Variants in SNTG1 observed in about 807,000 individuals in gnomAD.
SNTG1 encodes the protein syntrophin gamma 1.
A neutral mutation model predicts 74.7 loss-of-function variants in SNTG1; 39 were observed. The ratio of observed to expected loss-of-function variants is 0.52; its 90% confidence interval spans 0.40 to 0.68. SNTG1 has a LOEUF of 0.68. SNTG1 is among the 30% of genes least tolerant of loss of function. SNTG1 has a pLI of 0.00. For synonymous variants in SNTG1, 254 were observed against 217.1 expected, an observed-to-expected ratio of 1.17 and a Z score of -1.49; for missense variants, 685 against 609.5, an observed-to-expected ratio of 1.12 and a Z score of -1.30.
intron 9 of SNTG1, among the ~76,000 whole-genome samples, chr8:50,520,595 T>C (rs962842719): frequency 1.1e-4 from 16 of 151,896 alleles, no homozygotes; most frequent in Admixed American, 3.9e-4. Context: ...AATAATCCCA[T>C]CAAAAAGTGG....
intron 15 of SNTG1, among the ~76,000 whole-genome samples, chr8:50,676,357 T>C (rs2095309683): frequency 6.6e-6 from 1 of 151,986 alleles, no homozygotes; most frequent in Admixed American, 6.6e-5. Context: ...TCTGTATGGC[T>C]TATTTCAGCA....
intron 15 of SNTG1, among the ~76,000 whole-genome samples, chr8:50,676,384 A>G (rs1006589097): frequency 2.0e-5 from 3 of 151,900 alleles, no homozygotes; most frequent in African/African-American, 7.2e-5. Context: ...TCTCCAAACA[A>G]TGATATCCTT....
intron 9 of SNTG1, among the ~76,000 whole-genome samples, chr8:50,527,856 T>C (rs2094234816): frequency 6.6e-6 from 1 of 152,038 alleles, no homozygotes; most frequent in Admixed American, 6.5e-5. Context: ...AATATATTAG[T>C]CTTTTTAATT....
At chr8:50,293,986 T>A (rs1009482032) in intron 2 of SNTG1, among the ~76,000 whole-genome samples, 1 of 152,184 alleles carries the variant, frequency 6.6e-6, no homozygotes, top group Non-Finnish European at 1.5e-5. Flanking sequence ...GAACGTCTTA[T>A]CAAGAAAAAA....
chr8:50,005,024 TTTG>T (rs1433708531), intron 1 of SNTG1, among the ~76,000 whole-genome samples: 2 of 152,190 alleles, frequency 1.3e-5, no homozygotes, highest in African/African-American at 2.4e-5. Flanking sequence ...ACATTTTATT[TTTG>T]TTGTTTCTAT....
In SNTG1 at chr8:50,422,095, A is replaced by G. The variant is rs142285318; in HGVS notation, c.163-16448A>G. Among the ~76,000 whole-genome samples the G allele has an allele frequency of 9.8e-5, 15 of 152,292 alleles. No individual in the cohort carries two copies. In the East Asian group the frequency reaches 2.7e-3, roughly 27 times the overall value. On this transcript the variant is annotated intron_variant, in intron 4 of 18. Transcript: ENST00000642720. ...GCATGGAAAGGAGAGGCCTGATTGC[A>G]TTAATGGAGATTCTCTACAGATGCA... is the stretch of plus-strand genomic sequence containing the variant.
chr8:50,078,738 G>A (rs911429382), intron 1 of SNTG1, among the ~76,000 whole-genome samples: 14 of 152,076 alleles, frequency 9.2e-5, no homozygotes, highest in African/African-American at 1.2e-4. Context: ...ACAGGCCCCA[G>A]CGTGTGATAT....
chr8:50,290,881 C>A (rs1036641827), intron 2 of SNTG1, among the ~76,000 whole-genome samples: 1 of 151,968 alleles, frequency 6.6e-6, no homozygotes. Context: ...CTTCAGCCCC[C>A]CAAGTAGCTG....
chr8:50,377,537 A>G (rs2092409461), intron 2 of SNTG1, among the ~76,000 whole-genome samples: 2 of 152,156 alleles, frequency 1.3e-5, no homozygotes, highest in East Asian at 3.9e-4. Flanking sequence ...AATTTTCAGA[A>G]TTTTTTCTCC....
intron 1 of SNTG1, among the ~76,000 whole-genome samples, chr8:50,114,494 A>G (rs1334958674): frequency 6.6e-6 from 1 of 152,184 alleles, no homozygotes; most frequent in Non-Finnish European, 1.5e-5. Flanking sequence ...TAGAAGCAGC[A>G]TGTCAGAAGG....
intron 9 of SNTG1, among the ~76,000 whole-genome samples, chr8:50,503,745 T>C (rs2093983362): frequency 6.6e-6 from 1 of 152,236 alleles, no homozygotes; most frequent in South Asian, 2.1e-4. Flanking sequence ...TATTATTCCA[T>C]TGTATGAATG....
At chr8:50,409,618 G>T (rs1052334390) in intron 4 of SNTG1, among the ~76,000 whole-genome samples, 1 of 152,112 alleles carries the variant, frequency 6.6e-6, no homozygotes, top group Non-Finnish European at 1.5e-5. Context: ...TGCTCCAGGG[G>T]AGCTGAAATC....
intron 2 of SNTG1, among the ~76,000 whole-genome samples, chr8:50,333,613 G>A (rs1327361277): frequency 6.6e-6 from 1 of 152,186 alleles, no homozygotes; most frequent in Non-Finnish European, 1.5e-5. Flanking sequence ...TCTTATGGAA[G>A]AGGAACAAAT....
At chr8:50,319,951 A>G (rs2090462624) in intron 2 of SNTG1, among the ~76,000 whole-genome samples, 1 of 152,216 alleles carries the variant, frequency 6.6e-6, no homozygotes. Flanking sequence ...AATATTCATC[A>G]GCAATATTGG....
chr8:50,630,776 G>T (rs191992611), intron 13 of SNTG1, among the ~76,000 whole-genome samples: 2 of 152,300 alleles, frequency 1.3e-5, no homozygotes. Context: ...TTATTTATGT[G>T]CAAGTGAAGG....
intron 15 of SNTG1, among the ~76,000 whole-genome samples, chr8:50,666,150 C>G (rs529569418): frequency 6.6e-6 from 1 of 152,204 alleles, no homozygotes; most frequent in East Asian, 1.9e-4. Flanking sequence ...GTAATCTAAC[C>G]AAATCTAATG....
intron 2 of SNTG1, among the ~76,000 whole-genome samples, chr8:50,214,166 C>A (rs980702646): frequency 1.4e-5 from 2 of 147,322 alleles, no homozygotes; most frequent in African/African-American, 5.0e-5. Flanking sequence ...GAACAAAAAA[C>A]CAAACACCGC....
rs1400866102 is a variant in SNTG1, at chr8:49,982,628, C to A, written c.-103+70397C>A. 3.2e-5 allele frequency among the ~76,000 whole-genome samples: 4 copies of A among 124,606 alleles called. No homozygotes were observed. In the South Asian group the frequency reaches 1.1e-3, roughly 35 times the overall value. 81.7% of individuals were successfully genotyped at this position (124,606 alleles called of 152,430 possible). ...CAAAAAAAAAAAAAAAAGTTTGAGCCCAAAACAGTGTGTGTGTGTGTGTGT... is the reference window on the plus strand; with the variant it reads ...CAAAAAAAAAAAAAAAAGTTTGAGCACAAAACAGTGTGTGTGTGTGTGTGT... On this transcript the variant is annotated intron_variant, in intron 1 of 18. Coordinates refer to ENST00000642720, the MANE Select transcript of SNTG1 (RefSeq NM_018967.5).
At chr8:50,520,202 A>G (rs928169814) in intron 9 of SNTG1, among the ~76,000 whole-genome samples, 3 of 152,224 alleles carry the variant, frequency 2.0e-5, no homozygotes, top group Non-Finnish European at 4.4e-5. Context: ...AGGATTCCCT[A>G]TTTAATAAAT....
Sources: allele counts gnomAD v4.1 joint callset (sites outside exome capture counted in the v4.1 genomes callset), GRCh38; gene constraint gnomAD v4.1.1; transcripts MANE v1.5; gene names NCBI Gene and HGNC (gene_info 2026-07-23, HGNC 2026-07-21).